Variants in FAT3 observed in about 807,000 individuals in gnomAD.
FAT3 encodes the protein FAT atypical cadherin 3.
FAT3 carries 95 observed loss-of-function variants against 310.2 expected under a neutral mutation model. The ratio of observed to expected loss-of-function variants is 0.31; its 90% CI spans 0.26 to 0.36. The LOEUF (loss-of-function observed/expected upper bound fraction) is 0.36, where lower values mean the gene tolerates loss of function less well. FAT3 is among the 10% of genes least tolerant of loss of function. The probability of loss-of-function intolerance (pLI) is 1.00; values close to 1 mark genes in which losing one functional copy is unlikely to be tolerated. For synonymous variants in FAT3, 2,314 were observed against 2,192.9 expected (o/e 1.06, Z -1.54); for missense variants, 5,408 against 5,715.6 (o/e 0.95, Z 1.74).
intron 2 of FAT3, among the ~76,000 whole-genome samples, chr11:92,399,450 T>A (rs1949960674): frequency 6.6e-6 from 1 of 152,186 alleles, no homozygotes; most frequent in African/African-American, 2.4e-5. Flanking sequence ...GGGTGATTTT[T>A]AAAAAATTGA....
chr11:92,394,570 C>G (rs895431456), intron 2 of FAT3, among the ~76,000 whole-genome samples: 3 of 152,138 alleles, frequency 2.0e-5, no homozygotes, highest in African/African-American at 7.2e-5. Context: ...AATCACAGCT[C>G]TGTCACTGCT....
intron 1 of FAT3, among the ~76,000 whole-genome samples, chr11:92,312,076 G>T (rs76774247): frequency 0.038 from 5,854 of 152,126 alleles, 151 homozygotes; most frequent in Non-Finnish European, 0.062. Context: ...AATGTCAACT[G>T]TATATATCCC....
At position 92,261,087 on chromosome 11, in the gene FAT3, C is replaced by T. The variant is rs370970697; in HGVS notation, c.-18+35913C>T. Among the ~76,000 whole-genome samples the T allele has an allele frequency of 6.6e-5, 10 of 152,126 alleles. No individual in the cohort carries two copies. The South Asian group carries it at 8.3e-4, about 13-fold the overall frequency. On this transcript the variant is annotated intron_variant, in intron 1 of 27. Coordinates refer to ENST00000525166, the MANE Select transcript of FAT3 (RefSeq NM_001367949.2). ...TATTTTAAAATGCTGTGACAATGTA[C>T]TACTTCAGATGAGTGTTGTCCCCAT...
intron 4 of FAT3, among the ~76,000 whole-genome samples, chr11:92,729,488 G>A (rs564501052): frequency 4.0e-5 from 6 of 149,398 alleles, no homozygotes; most frequent in South Asian, 2.1e-4. Flanking sequence ...GTGCAGTGGC[G>A]TGATCTCGGC....
intron 3 of FAT3, among the ~76,000 whole-genome samples, chr11:92,545,125 C>T (rs1053845979): frequency 6.6e-6 from 1 of 152,158 alleles, no homozygotes; most frequent in African/African-American, 2.4e-5. Flanking sequence ...TGCCCCAAGG[C>T]TGTTGCTGTT....
At chr11:92,359,482 T>A (rs1948822217) in intron 2 of FAT3, among the ~76,000 whole-genome samples, 1 of 152,150 alleles carries the variant, frequency 6.6e-6, no homozygotes, top group Non-Finnish European at 1.5e-5. Context: ...TGACTTTCTT[T>A]TTTTTTATTA....
At chr11:92,344,193 C>T (rs535644256) in intron 1 of FAT3, among the ~76,000 whole-genome samples, 2 of 152,302 alleles carry the variant, frequency 1.3e-5, no homozygotes, top group East Asian at 1.9e-4. Context: ...CAATGTCTCA[C>T]TTATCCACTG....
intron 1 of FAT3, among the ~76,000 whole-genome samples, chr11:92,274,287 C>G (rs927119576): frequency 1.3e-5 from 2 of 152,048 alleles, no homozygotes; most frequent in Non-Finnish European, 2.9e-5. Context: ...TAAACCCCTA[C>G]TTACTACTGA....
rs1388617741 is a variant in FAT3, at chr11:92,800,608, G to A, written c.7595G>A (p.Ser2532Asn). ...DGDPGTYGQISYAIINDFAKD... is the reference protein window; with the variant it reads ...DGDPGTYGQINYAIINDFAKD... ...GATCCAGGGACTTATGGGCAGATCA[G>A]CTATGCCATCATCAATGACTTTGCC... The change falls in exon 10 of 28, where the codon AGC becomes AAC. Residue 2532 changes from serine (S) to asparagine (N), a missense_variant. Coordinates refer to ENST00000525166, the MANE Select transcript of FAT3 (RefSeq NM_001367949.2). 2 of 1,613,746 alleles carry A rather than the reference G, an allele frequency of 1.2e-6. No homozygotes were observed. Among genetic ancestry groups the A allele is most frequent in the Non-Finnish European group, 8.5e-7 (1 of 1,179,808 alleles).
intron 8 of FAT3, 25 bp downstream of exon 8, chr11:92,790,243 C>T: frequency 6.2e-7 from 1 of 1,609,926 alleles, no homozygotes; most frequent in Non-Finnish European, 8.5e-7. Flanking sequence ...CTAATTAGCA[C>T]TCCTACAGAA....
At chr11:92,481,898 G>A (rs1166108104) in intron 2 of FAT3, among the ~76,000 whole-genome samples, 8 of 152,154 alleles carry the variant, frequency 5.3e-5, no homozygotes, top group South Asian at 2.1e-4. Context: ...AAAATGGATC[G>A]ATTTTTGTGA....
chr11:92,466,341 T>G (rs1272648566), intron 2 of FAT3, among the ~76,000 whole-genome samples: 1 of 152,094 alleles, frequency 6.6e-6, no homozygotes, highest in Non-Finnish European at 1.5e-5. Flanking sequence ...AACCAGGAAG[T>G]GGAAACGGAA....
chr11:92,236,213 A>G (rs1349054054), intron 1 of FAT3, among the ~76,000 whole-genome samples: 1 of 152,214 alleles, frequency 6.6e-6, no homozygotes, highest in Non-Finnish European at 1.5e-5. Flanking sequence ...CCACTGGGGT[A>G]TGGGTCACTC....
chr11:92,828,273 C>G (rs1469045545), intron 13 of FAT3, among the ~76,000 whole-genome samples: 1 of 151,994 alleles, frequency 6.6e-6, no homozygotes, highest in African/African-American at 2.4e-5. Flanking sequence ...TGGCAAAGAC[C>G]CAAATGCTAT....
Position 92,792,806 on chromosome 11 carries a change from C to G in FAT3, c.4651C>G (p.Arg1551Gly). Residue 1551 changes from arginine to glycine, a missense_variant, in exon 9 of 28, where the codon CGA becomes GGA. Physicochemically the swap from Arg to Gly is moderately radical, Grantham distance 125. Around this residue, in one of 5 missense-constraint regions of FAT3, gnomAD observed 4,588 missense variants for 4,809.8 expected, o/e 0.95. Transcript: ENST00000525166. ...QEFPYRRNLARVIVNVEDAND... is the reference protein window; with the variant it reads ...QEFPYRRNLAGVIVNVEDAND... The stretch of plus-strand genomic sequence containing the variant: ...GTTTCCTTATCGAAGAAACTTGGCC[C>G]GAGTCATTGTGAATGTGGAGGATGC... 1.2e-6 allele frequency: 2 copies of G among 1,613,738 alleles called. No homozygotes were observed. The highest frequency in any genetic ancestry group is 1.7e-6 in the Non-Finnish European group (2 of 1,179,754).
intron 2 of FAT3, among the ~76,000 whole-genome samples, chr11:92,417,795 T>C (rs575142232): frequency 8.2e-4 from 125 of 152,290 alleles, no homozygotes; most frequent in African/African-American, 2.9e-3. Flanking sequence ...CATTAAGTAA[T>C]AGACCCTGAC....
intron 3 of FAT3, among the ~76,000 whole-genome samples, chr11:92,617,807 A>G (rs1940884083): frequency 6.6e-6 from 1 of 152,182 alleles, no homozygotes; most frequent in Admixed American, 6.5e-5. Flanking sequence ...CAAATATTGC[A>G]GAAAGGCAAA....
intron 3 of FAT3, among the ~76,000 whole-genome samples, chr11:92,582,995 G>C (rs1374624666): frequency 6.6e-6 from 1 of 150,706 alleles, no homozygotes; most frequent in Non-Finnish European, 1.5e-5. Flanking sequence ...ACAGTTTTTT[G>C]TTTTGCTTAA....
intron 3 of FAT3, among the ~76,000 whole-genome samples, chr11:92,619,976 A>G (rs976562705): frequency 1.3e-5 from 2 of 152,210 alleles, no homozygotes; most frequent in Non-Finnish European, 1.5e-5. Context: ...AAAGTCATTT[A>G]TAGCTATCAG....
Sources: allele counts gnomAD v4.1 joint callset (sites outside exome capture counted in the v4.1 genomes callset), GRCh38; gene constraint gnomAD v4.1.1; regional missense constraint gnomAD v4.1.1; transcripts MANE v1.5; gene names NCBI Gene and HGNC (gene_info 2026-07-23, HGNC 2026-07-21).